Variants in ZSCAN5A observed in about 807,000 individuals in gnomAD.
ZSCAN5A encodes zinc finger and SCAN domain containing 5A.
A neutral mutation model predicts 23.7 loss-of-function variants in ZSCAN5A; 12 were observed. That is an observed-to-expected ratio of 0.51 (90% CI 0.32 to 0.82). The LOEUF (loss-of-function observed/expected upper bound fraction) is 0.82, where lower values mean the gene tolerates loss of function less well. ZSCAN5A is among the 40% of genes least tolerant of loss of function. The pLI is 0.03. For synonymous variants in ZSCAN5A, 257 were observed against 239.9 expected (o/e 1.07, Z -0.66); for missense variants, 597 against 617.9 (o/e 0.97, Z 0.36).
At chr19:56,302,507 TTC>T (rs1157596130) in intron 2 of ZSCAN5A, among the ~76,000 whole-genome samples, 11 of 36,510 alleles carry the variant, frequency 3.0e-4, no homozygotes, top group Middle Eastern at 0.012. Context: ...CTCTCTGCCC[TTC>T]TTTCCTTCCT....
At chr19:56,319,943 T>C in intron 2 of ZSCAN5A, 2 of 1,293,926 alleles carry the variant, frequency 1.5e-6, no homozygotes. Flanking sequence ...TTTATTCAAA[T>C]CGACTTCATT....
intron 2 of ZSCAN5A, chr19:56,302,050 C>G: frequency 8.1e-7 from 1 of 1,231,978 alleles, no homozygotes; most frequent in Non-Finnish European, 1.0e-6. Context: ...AATGCGCCTA[C>G]ATGGTGATGA....
intron 2 of ZSCAN5A, chr19:56,285,019 C>A (rs114484690): frequency 7.1e-6 from 7 of 985,196 alleles, no homozygotes; most frequent in Non-Finnish European, 8.4e-6. Context: ...AGACTGTCAC[C>A]GGATGGTAAG....
intron 2 of ZSCAN5A, among the ~76,000 whole-genome samples, chr19:56,277,186 T>C (rs953378685): frequency 1.3e-5 from 2 of 152,198 alleles, no homozygotes; most frequent in African/African-American, 2.4e-5. Context: ...GCTCTAGGTA[T>C]GTGCCCAAGA....
intron 2 of ZSCAN5A, among the ~76,000 whole-genome samples, chr19:56,292,638 T>C (rs915087244): frequency 6.6e-6 from 1 of 151,920 alleles, no homozygotes; most frequent in Non-Finnish European, 1.5e-5. Context: ...CACACAATGG[T>C]GTGCAACCAT....
At chr19:56,342,902 T>C in intron 2 of ZSCAN5A, 1 of 1,034,602 alleles carries the variant, frequency 9.7e-7, no homozygotes, top group Non-Finnish European at 1.5e-6. Flanking sequence ...CTCCCCATCC[T>C]GAGGCACCTC....
At chr19:56,224,450 C>T in intron 3 of ZSCAN5A, 1 of 729,710 alleles carries the variant, frequency 1.4e-6, no homozygotes, top group South Asian at 2.5e-5. Flanking sequence ...GATGGGTTGT[C>T]CTGAGCGTTA....
rs151015762 is a variant in ZSCAN5A, at chr19:56,338,957, G to A, written c.-357-22689C>T. On this transcript the variant is annotated intron_variant, in intron 2 of 6. Transcript: ENST00000587340. ...TGGAAGGAGAAAGCTTGACAGTGAC[G>A]TAATGTATTTGGAGTGCAAAAATGC... Among the ~76,000 whole-genome samples, 39 of 152,306 alleles carry A rather than the reference G, an allele frequency of 2.6e-4. No homozygotes were observed. In the East Asian group the frequency reaches 6.2e-3, roughly 24 times the overall value.
intron 2 of ZSCAN5A, among the ~76,000 whole-genome samples, chr19:56,302,593 TC>T (rs1568726720): frequency 7.1e-4 from 26 of 36,866 alleles, no homozygotes; most frequent in African/African-American, 5.0e-3. Context: ...CTTTTCTTCC[TC>T]TCCCTCTTCT....
At chr19:56,306,057 G>A (rs2040665081) in intron 2 of ZSCAN5A, among the ~76,000 whole-genome samples, 1 of 152,136 alleles carries the variant, frequency 6.6e-6, no homozygotes, top group Admixed American at 6.5e-5. Flanking sequence ...GAAGATTAGA[G>A]CAAGCATTTT....
At chr19:56,306,395 G>A (rs1346101684) in intron 2 of ZSCAN5A, among the ~76,000 whole-genome samples, 1 of 61,926 alleles carries the variant, frequency 1.6e-5, no homozygotes. Context: ...GCCAGAGAAA[G>A]TACTAAGGAC....
chr19:56,318,493 TG>T (rs1262600584), upstream of ZSCAN5A, among the ~76,000 whole-genome samples: 3 of 152,146 alleles, frequency 2.0e-5, no homozygotes, highest in Non-Finnish European at 2.9e-5. Flanking sequence ...TATGAAAACA[TG>T]CAGTGTGTGT....
intron 1 of ZSCAN5A, chr19:56,367,276 T>A (rs10414446): frequency 0.028 from 4,281 of 152,224 alleles, 161 homozygotes; most frequent in African/African-American, 0.088. Flanking sequence ...ATAGATTCAA[T>A]CCAGGATGTC....
chr19:56,240,923 G>A (rs898883989), intron 2 of ZSCAN5A, among the ~76,000 whole-genome samples: 1 of 152,066 alleles, frequency 6.6e-6, no homozygotes, highest in African/African-American at 2.4e-5. Context: ...TGCACAGGCT[G>A]GTCTTGAACT....
upstream of ZSCAN5A, among the ~76,000 whole-genome samples, chr19:56,319,388 C>G (rs66528019): frequency 6.8e-6 from 1 of 147,966 alleles, no homozygotes; most frequent in African/African-American, 2.5e-5. Context: ...CCTCACTACC[C>G]GGGGGGCTGA....
At chr19:56,258,650 C>T (rs1234575774) in intron 2 of ZSCAN5A, among the ~76,000 whole-genome samples, 1 of 152,188 alleles carries the variant, frequency 6.6e-6, no homozygotes, top group African/African-American at 2.4e-5. Flanking sequence ...AACAGACACA[C>T]AAACACACTT....
chr19:56,321,246 G>A, intron 2 of ZSCAN5A: 3 of 669,894 alleles, frequency 4.5e-6, no homozygotes, highest in Non-Finnish European at 8.4e-6. Context: ...ATCAGTTGGG[G>A]TATCAGTAGT....
intron 2 of ZSCAN5A, chr19:56,321,145 T>C (rs762532267): frequency 8.2e-5 from 54 of 660,572 alleles, no homozygotes; most frequent in Non-Finnish European, 1.3e-4. Flanking sequence ...GTCGCCCCTC[T>C]TCTCACCTCA....
intron 2 of ZSCAN5A, among the ~76,000 whole-genome samples, chr19:56,326,628 G>T (rs2147431186): frequency 6.6e-6 from 1 of 151,886 alleles, no homozygotes; most frequent in African/African-American, 2.4e-5. Context: ...TGTACCGCTG[G>T]GTGCCTTTCA....
Sources: gnomAD v4.1 joint callset for allele counts (sites outside exome capture counted in the v4.1 genomes callset) on GRCh38, gnomAD v4.1.1 for gene constraint, MANE v1.5 for transcripts, NCBI Gene and HGNC (gene_info 2026-07-23, HGNC 2026-07-21) for gene names.